The following NRCAM variants were observed in gnomAD, a reference collection of about 807,000 sequenced individuals.
The protein encoded by NRCAM is NgCAM-related cell adhesion molecule.
NRCAM carries 83 observed loss-of-function variants against 156.5 expected under a neutral mutation model. The observed-to-expected ratio is 0.53, with a 90% CI of 0.44 to 0.64. The LOEUF (loss-of-function observed/expected upper bound fraction) is 0.64, where lower values mean the gene tolerates loss of function less well. Among genes scored for constraint, NRCAM ranks in the 30% least tolerant of loss-of-function variants. The probability of loss-of-function intolerance (pLI) is 0.00; values close to 1 mark genes in which losing one functional copy is unlikely to be tolerated. For synonymous variants in NRCAM, 538 were observed against 563.9 expected (o/e 0.95, Z 0.65); for missense variants, 1,417 against 1,597.3 (o/e 0.89, Z 1.92).
At chr7:108,363,955 T>A (rs1341382862) in intron 2 of NRCAM, among the ~76,000 whole-genome samples, 3 of 152,066 alleles carry the variant, frequency 2.0e-5, no homozygotes, top group African/African-American at 7.2e-5. Flanking sequence ...CTAGATAGGA[T>A]CCTGGGACAG....
At chr7:108,347,930 AC>A (rs1282774354) in intron 2 of NRCAM, among the ~76,000 whole-genome samples, 5 of 151,336 alleles carry the variant, frequency 3.3e-5, no homozygotes, top group Admixed American at 2.6e-4. Flanking sequence ...CCTCCTCTCC[AC>A]CCCCATACTC....
chr7:108,429,684 AT>A (rs1822357626), intron 1 of NRCAM, among the ~76,000 whole-genome samples: 1 of 152,246 alleles, frequency 6.6e-6, no homozygotes, highest in African/African-American at 2.4e-5. Flanking sequence ...CATTCAACAT[AT>A]ATTTACTAAG....
chr7:108,443,770 T>G (rs1278738680), intron 1 of NRCAM, among the ~76,000 whole-genome samples: 1 of 152,164 alleles, frequency 6.6e-6, no homozygotes, highest in Non-Finnish European at 1.5e-5. Context: ...GGTAATAAAA[T>G]TAATACCCTC....
chr7:108,429,278 G>T (rs773082527), intron 1 of NRCAM, among the ~76,000 whole-genome samples: 6 of 151,924 alleles, frequency 3.9e-5, no homozygotes, highest in Non-Finnish European at 8.8e-5. Context: ...TGCAACCTCT[G>T]CCTCCTGAGT....
chr7:108,274,620 C>T (rs935367479), intron 3 of NRCAM, among the ~76,000 whole-genome samples: 5 of 152,312 alleles, frequency 3.3e-5, no homozygotes, highest in African/African-American at 1.2e-4. Context: ...AGTTGCTTAT[C>T]AGCTTAACGA....
chr7:108,287,350 C>T (rs1023848455), intron 3 of NRCAM, among the ~76,000 whole-genome samples: 3 of 151,910 alleles, frequency 2.0e-5, no homozygotes, highest in Non-Finnish European at 4.4e-5. Context: ...AACTAAAAAG[C>T]TTCTGCACAG....
At chr7:108,219,305 G>A (rs1196362741) in intron 11 of NRCAM, among the ~76,000 whole-genome samples, 1 of 152,048 alleles carries the variant, frequency 6.6e-6, no homozygotes, top group Non-Finnish European at 1.5e-5. Flanking sequence ...CAATCCTTTT[G>A]ACACTATTCC....
intron 3 of NRCAM, among the ~76,000 whole-genome samples, chr7:108,275,483 G>GA (rs1200934783): frequency 4.6e-5 from 7 of 152,176 alleles, no homozygotes; most frequent in Non-Finnish European, 1.0e-4. Flanking sequence ...ATTTGTCCAG[G>GA]AATTTATCCA....
intron 1 of NRCAM, among the ~76,000 whole-genome samples, chr7:108,449,030 G>A (rs1348084885): frequency 1.3e-5 from 2 of 152,346 alleles, no homozygotes; most frequent in East Asian, 1.9e-4. Flanking sequence ...GGGAACAAGT[G>A]CATCTGAGTG....
chr7:108,187,656 G>A (rs559367671), intron 20 of NRCAM, among the ~76,000 whole-genome samples: 1 of 152,118 alleles, frequency 6.6e-6, no homozygotes, highest in Non-Finnish European at 1.5e-5. Flanking sequence ...GACAGAATTA[G>A]AAGTGCAAGA....
intron 2 of NRCAM, among the ~76,000 whole-genome samples, chr7:108,377,725 T>C (rs545748097): frequency 2.0e-5 from 3 of 152,306 alleles, no homozygotes; most frequent in African/African-American, 4.8e-5. Context: ...GCACTTTAAA[T>C]GCTCAGAATT....
intron 3 of NRCAM, among the ~76,000 whole-genome samples, chr7:108,290,018 A>G (rs984185299): frequency 6.6e-6 from 1 of 152,166 alleles, no homozygotes; most frequent in Non-Finnish European, 1.5e-5. Context: ...CTTTTGGAGC[A>G]AGCCTATGGT....
intron 3 of NRCAM, among the ~76,000 whole-genome samples, chr7:108,272,946 G>C (rs1438536152): frequency 2.0e-5 from 3 of 151,898 alleles, no homozygotes; most frequent in African/African-American, 7.3e-5. Flanking sequence ...CCCTCCCTGT[G>C]TCCATGTGTT....
chr7:108,253,525 G>T (rs901209402), intron 3 of NRCAM, among the ~76,000 whole-genome samples: 40 of 152,266 alleles, frequency 2.6e-4, no homozygotes, highest in African/African-American at 9.1e-4. Flanking sequence ...AGGGTGATGA[G>T]GCAGAAACGT....
chr7:108,389,767 G>T (rs535418177), intron 2 of NRCAM, among the ~76,000 whole-genome samples: 2 of 152,088 alleles, frequency 1.3e-5, no homozygotes, highest in African/African-American at 2.4e-5. Flanking sequence ...TGGCATGAAG[G>T]GCTGTTGAAT....
At position 108,189,698 on chromosome 7, in the gene NRCAM, T is replaced by G; in HGVS notation, c.1982A>C (p.Lys661Thr). Residue 661 changes from lysine (K) to threonine (T), a missense_variant, in exon 20 of 33, where the codon AAA becomes ACA. By Grantham distance (78) the Lys-to-Thr change is moderately conservative (BLOSUM62 -1). This residue lies in a region of NRCAM where 1,238 missense variants were observed against 1,336.4 expected (regional missense o/e 0.93). Coordinates refer to ENST00000379028, the MANE Select transcript of NRCAM (RefSeq NM_001037132.4). ...TGGGGTCCATGACAGCTGAACACTT[T>G]TGTCAAGTTGATCTGTCAGTTCTAA... The part of the protein sequence containing the change: ...FDLELTDQLD[K>T]SVQLSWTPGD... The G allele has an allele frequency of 6.4e-7, 1 of 1,562,596 alleles. No individual in the cohort carries two copies. The highest frequency in any genetic ancestry group is 8.8e-7 in the Non-Finnish European group (1 of 1,135,428).
At chr7:108,214,657 T>C (rs562661251) in intron 11 of NRCAM, among the ~76,000 whole-genome samples, 4 of 152,314 alleles carry the variant, frequency 2.6e-5, no homozygotes, top group African/African-American at 9.6e-5. Flanking sequence ...TTTGAATTTG[T>C]TTCGGTTGCT....
At position 108,429,407 on chromosome 7, in the gene NRCAM, G is replaced by T. The variant is rs1821920479; in HGVS notation, c.-332+26836C>A. Among the ~76,000 whole-genome samples the T allele has an allele frequency of 3.9e-5, 6 of 152,160 alleles. No individual in the cohort carries two copies. The South Asian group carries it at 1.2e-3, about 31-fold the overall frequency. ...TGGCTTTACAATATTGGCCAGGCTG[G>T]TTTCAAACTCCTGACCTCAGGTAAT... is the stretch of plus-strand genomic sequence containing the variant. On this transcript the variant is annotated intron_variant, in intron 1 of 32. Coordinates refer to ENST00000379028, the MANE Select transcript of NRCAM (RefSeq NM_001037132.4).
In NRCAM at chr7:108,223,822, C is replaced by G; in HGVS notation, c.793G>C (p.Glu265Gln). The G allele has an allele frequency of 6.3e-7, 1 of 1,588,062 alleles. No homozygotes were observed. Among genetic ancestry groups the G allele is most frequent in the Non-Finnish European group, 8.6e-7 (1 of 1,156,876 alleles). The change falls in exon 11 of 33, where the codon GAG (glutamate) becomes CAG (glutamine). Residue 265 changes from glutamate to glutamine, a missense_variant. Coordinates refer to ENST00000379028, the MANE Select transcript of NRCAM (RefSeq NM_001037132.4). ...GGAGTTAAAAATGTTGGTGGCCTCT[C>G]TCTACTTGATTTAGCTGCAAACAAG... Reference protein sequence around the residue: ...TEFYGAKSSRERPPTFLTPEG... With the variant: ...TEFYGAKSSRQRPPTFLTPEG...
Sources: allele counts gnomAD v4.1 joint callset (sites outside exome capture counted in the v4.1 genomes callset), GRCh38; gene constraint gnomAD v4.1.1; regional missense constraint gnomAD v4.1.1; transcripts MANE v1.5; gene names NCBI Gene and HGNC (gene_info 2026-07-23, HGNC 2026-07-21).